The following AOPEP variants were observed in gnomAD, a reference collection of about 807,000 sequenced individuals.
The protein encoded by AOPEP is aminopeptidase O.
AOPEP carries 77 observed loss-of-function variants against 98.1 expected under a neutral mutation model. The ratio of observed to expected loss-of-function variants is 0.78; its 90% CI spans 0.65 to 0.95. The LOEUF (loss-of-function observed/expected upper bound fraction) is 0.95. Among genes scored for constraint, AOPEP ranks in the 40% least tolerant of loss-of-function variants. The pLI is 0.00. For synonymous variants in AOPEP, 346 were observed against 365.3 expected, an observed-to-expected ratio of 0.95 and a Z score of 0.60; for missense variants, 1,024 against 1,024.7, an observed-to-expected ratio of 1.00 and a Z score of 0.01.
At chr9:94,842,241 A>G (rs2042354123) in intron 5 of AOPEP, among the ~76,000 whole-genome samples, 1 of 151,988 alleles carries the variant, frequency 6.6e-6, no homozygotes, top group Admixed American at 6.5e-5. Context: ...GTGCACCTGT[A>G]GTCCCAGCTA....
chr9:95,098,534 T>C, the AOPEP span, among the ~76,000 whole-genome samples: 11 of 152,100 alleles, frequency 7.2e-5, no homozygotes, highest in South Asian at 2.1e-4. Context: ...TAGTGTCCCA[T>C]AGCCGGAAGC....
intron 1 of AOPEP, among the ~76,000 whole-genome samples, chr9:94,731,085 A>G (rs1830412553): frequency 6.6e-6 from 1 of 152,124 alleles, no homozygotes; most frequent in Admixed American, 6.5e-5. Flanking sequence ...AGTTTCTGAA[A>G]TGACACCAGG....
chr9:94,847,152 A>ACACACACACACACACACACACACT lies in AOPEP; in HGVS notation c.1364+46151_1364+46152insACACACACACACACACACACACTC, dbSNP rs1448564968. Among the ~76,000 whole-genome samples the ACACACACACACACACACACACACT allele has an allele frequency of 3.7e-3, 526 of 140,542 alleles. 1 individual carries two copies. Among genetic ancestry groups the ACACACACACACACACACACACACT allele is most frequent in the East Asian group, 0.01 (47 of 4,698 alleles). The allele number at this position is 140,542 out of a possible 152,430, so 92.2% of individuals were successfully genotyped here. On this transcript the variant is annotated intron_variant, in intron 5 of 16. Transcript: ENST00000375315. The stretch of plus-strand genomic sequence containing the variant: ...TACACACACACACACACACACACAC[A>ACACACACACACACACACACACACT]CTCTCTCTGTCTCTCTCTCTCTCTC...
chr9:95,099,394 C>G, the AOPEP span: 1 of 228,152 alleles, frequency 4.4e-6, no homozygotes, highest in Non-Finnish European at 8.7e-6. Flanking sequence ...GCCCCTGTGC[C>G]CAGGCCCCGC....
chr9:95,042,914 A>C (rs1220501305), intron 13 of AOPEP, among the ~76,000 whole-genome samples: 1 of 152,152 alleles, frequency 6.6e-6, no homozygotes, highest in South Asian at 2.1e-4. Context: ...TTGATAATGT[A>C]AAGGGTAGTG....
At chr9:95,057,738 T>C (rs1370617765) in intron 13 of AOPEP, among the ~76,000 whole-genome samples, 3 of 152,214 alleles carry the variant, frequency 2.0e-5, no homozygotes, top group Admixed American at 6.5e-5. Context: ...TTTCAGAAAC[T>C]ACATTTCCCC....
chr9:94,867,228 C>T (rs190157401), intron 5 of AOPEP, among the ~76,000 whole-genome samples: 17 of 152,306 alleles, frequency 1.1e-4, no homozygotes, highest in Non-Finnish European at 2.1e-4. Flanking sequence ...CTTCACTTAA[C>T]AAAATTTTAT....
chr9:94,944,367 G>T (rs2057385568), intron 7 of AOPEP, among the ~76,000 whole-genome samples: 1 of 152,158 alleles, frequency 6.6e-6, no homozygotes, highest in South Asian at 2.1e-4. Flanking sequence ...TAATCAAAAT[G>T]TGTTATATCC....
intron 5 of AOPEP, among the ~76,000 whole-genome samples, chr9:94,895,236 AAAT>A (rs1201483889): frequency 2.9e-5 from 1 of 34,316 alleles, no homozygotes; most frequent in African/African-American, 5.7e-5. Context: ...AAATAAAATA[AAAT>A]AAAAAAAAAA....
At chr9:94,981,213 AGCAGGAG>A (rs2060162173) in intron 11 of AOPEP, among the ~76,000 whole-genome samples, 1 of 152,234 alleles carries the variant, frequency 6.6e-6, no homozygotes, top group Non-Finnish European at 1.5e-5. Flanking sequence ...TTTAGCTGCC[AGCAGGAG>A]GCTTTTGGTT....
At chr9:94,785,323 G>A (rs1844187575) in intron 3 of AOPEP, among the ~76,000 whole-genome samples, 1 of 152,224 alleles carries the variant, frequency 6.6e-6, no homozygotes, top group South Asian at 2.1e-4. Context: ...AGTCATCTAA[G>A]GAAAATTTCA....
At chr9:95,120,699 A>C in the AOPEP span, among the ~76,000 whole-genome samples, 2 of 152,166 alleles carry the variant, frequency 1.3e-5, no homozygotes, top group African/African-American at 4.8e-5. Flanking sequence ...AAGTGCTGGG[A>C]TTACAGGCAT....
chr9:94,832,129 T>C (rs1856103047), intron 5 of AOPEP, among the ~76,000 whole-genome samples: 1 of 152,168 alleles, frequency 6.6e-6, no homozygotes, highest in Non-Finnish European at 1.5e-5. Context: ...CAAAATATTT[T>C]TGCATGTAAA....
intron 5 of AOPEP, among the ~76,000 whole-genome samples, chr9:94,879,224 C>G (rs1268713269): frequency 6.6e-6 from 1 of 152,230 alleles, no homozygotes; most frequent in Non-Finnish European, 1.5e-5. Context: ...AAAAGGCCGT[C>G]TAGTACCCAG....
chr9:95,093,489 G>A, the AOPEP span, among the ~76,000 whole-genome samples: 7 of 152,118 alleles, frequency 4.6e-5, no homozygotes, highest in South Asian at 2.1e-4. Flanking sequence ...AGCGTTTAAC[G>A]GCAGCCCTCT....
chr9:95,103,624 G>A, the AOPEP span, among the ~76,000 whole-genome samples: 2 of 152,238 alleles, frequency 1.3e-5, no homozygotes, highest in African/African-American at 4.8e-5. Flanking sequence ...GAGAGGCCAG[G>A]AGCCAGAGAG....
intron 5 of AOPEP, among the ~76,000 whole-genome samples, chr9:94,828,778 T>C (rs565135915): frequency 6.6e-6 from 1 of 151,472 alleles, no homozygotes; most frequent in South Asian, 2.1e-4. Flanking sequence ...ATAAATCACA[T>C]ACTTTAGTTA....
rs2061897846 is a variant in AOPEP at position 95,005,217 on chromosome 9, C to G, written c.2037C>G (p.Ala679=). Residue 679 remains alanine (A), a synonymous_variant, in exon 12 of 17, where the codon GCC becomes GCG. Transcript: ENST00000375315. ...GCGGGCTTGCGCGGCAAGTGCGCGC[C>G]GAGGTGAGTGCGGGCGGCGCGGTCC... The part of the protein sequence containing the change: ...AECGLARQVR[A]EVTKWIGVNR... The G allele has an allele frequency of 9.0e-7, 1 of 1,114,470 alleles. No individual in the cohort carries two copies. Among genetic ancestry groups the G allele is most frequent in the Non-Finnish European group, 1.1e-6 (1 of 912,930 alleles). The allele number at this position is 1,114,470 out of a possible 1,614,324, so 69.0% of individuals were successfully genotyped here. A position where few individuals can be genotyped will look rare whatever the true frequency, so the allele number is the denominator to read the frequency against.
intron 7 of AOPEP, among the ~76,000 whole-genome samples, chr9:94,946,736 G>T (rs2057673026): frequency 6.6e-6 from 1 of 152,008 alleles, no homozygotes; most frequent in African/African-American, 2.4e-5. Flanking sequence ...CATATATACC[G>T]CATGCCTGGG....
Sources: allele counts gnomAD v4.1 joint callset (sites outside exome capture counted in the v4.1 genomes callset), GRCh38; gene constraint gnomAD v4.1.1; transcripts MANE v1.5; gene names NCBI Gene and HGNC (gene_info 2026-07-23, HGNC 2026-07-21).